The following CCL24 variants were observed in gnomAD, a reference collection of about 807,000 sequenced individuals.
CCL24 encodes the protein C-C motif chemokine ligand 24, also known as C-C motif chemokine 24.
Under a neutral mutation model 8.6 loss-of-function variants are expected in CCL24, and 6 were observed. The observed-to-expected ratio is 0.70, with a 90% CI of 0.38 to 1.38. CCL24 has a LOEUF of 1.38. Ranked by LOEUF, CCL24 falls within the 40% of genes most tolerant of loss-of-function variation. CCL24 has a pLI of 0.02. For synonymous variants in CCL24, 59 were observed against 52.7 expected (o/e 1.12, Z -0.52); for missense variants, 126 against 147.1 (o/e 0.86, Z 0.74).
upstream of CCL24, among the ~76,000 whole-genome samples, chr7:75,816,968 G>A (rs535787627): frequency 1.8e-4 from 28 of 152,104 alleles, no homozygotes; most frequent in South Asian, 5.6e-3. Flanking sequence ...GGACTCAGGC[G>A]ATCCTCCTGC....
At chr7:75,821,746 G>C (rs971763480) in intron 1 of CCL24, among the ~76,000 whole-genome samples, 23 of 152,174 alleles carry the variant, frequency 1.5e-4, no homozygotes, top group African/African-American at 5.3e-4. Flanking sequence ...GATCAACATG[G>C]AGAAACCCCG....
At chr7:75,816,462 A>T (rs1803892768), upstream of CCL24, among the ~76,000 whole-genome samples, 1 of 152,174 alleles carries the variant, frequency 6.6e-6, no homozygotes, top group Non-Finnish European at 1.5e-5. Context: ...AACAGTAATT[A>T]TCCTCTGCTG....
At chr7:75,813,539 C>G in intron 1 of CCL24, 104 bp downstream of exon 1, 1 of 1,279,718 alleles carries the variant, frequency 7.8e-7, no homozygotes, top group Non-Finnish European at 1.1e-6. Flanking sequence ...ACTGGGCCAC[C>G]CTTTCCCCAG....
chr7:75,813,900 G>A, upstream of CCL24: 2 of 517,572 alleles, frequency 3.9e-6, no homozygotes, highest in South Asian at 4.0e-5. Context: ...CCTGAGGCCT[G>A]TGGTCTGGAA....
At chr7:75,820,689 TATTC>T (rs1554534978) in intron 1 of CCL24, among the ~76,000 whole-genome samples, 6 of 118,928 alleles carry the variant, frequency 5.0e-5, no homozygotes. Flanking sequence ...TCCATCCACT[TATTC>T]ATCCATCCAC....
At chr7:75,813,600 TC>T (rs1803824136) in intron 1 of CCL24, 42 bp downstream of exon 1, 1 of 1,554,328 alleles carries the variant, frequency 6.4e-7, no homozygotes, top group Non-Finnish European at 8.9e-7. Context: ...CACTGTGCCA[TC>T]CCAGCCATGC....
intron 1 of CCL24, among the ~76,000 whole-genome samples, chr7:75,820,816 AATCCATCCATCCATCCATCC>A (rs78975822): frequency 1.8e-4 from 25 of 139,236 alleles, no homozygotes; most frequent in African/African-American, 6.9e-4. Flanking sequence ...TCCATTCACT[AATCCATCCATCCATCCATCC>A]ATCCATCCAT....
chr7:75,820,148 C>CCTCCTTCTCCTT (rs376518219), intron 1 of CCL24, among the ~76,000 whole-genome samples: 23 of 98,218 alleles, frequency 2.3e-4, no homozygotes, highest in African/African-American at 7.1e-4. Flanking sequence ...TCCTCCTCCT[C>CCTCCTTCTCCTT]CTCCTTCTCC....
At chr7:75,814,642 C>T (rs377324871), upstream of CCL24, among the ~76,000 whole-genome samples, 6 of 151,780 alleles carry the variant, frequency 4.0e-5, no homozygotes, top group East Asian at 1.9e-4. Flanking sequence ...CTGTCAGGAC[C>T]GCTTTCCATC....
At chr7:75,819,103 T>G (rs1237419597) in intron 1 of CCL24, among the ~76,000 whole-genome samples, 6 of 147,172 alleles carry the variant, frequency 4.1e-5, no homozygotes, top group Non-Finnish European at 7.5e-5. Context: ...ACCCCATCTC[T>G]ACTAAAAATA....
At chr7:75,822,274 C>A (rs1804067369) in intron 1 of CCL24, among the ~76,000 whole-genome samples, 1 of 152,158 alleles carries the variant, frequency 6.6e-6, no homozygotes, top group Non-Finnish European at 1.5e-5. Flanking sequence ...GGTAGACACT[C>A]CTGGGTTTGA....
intron 1 of CCL24, among the ~76,000 whole-genome samples, chr7:75,820,018 A>ACTTCTTCTTCTTTTCTT (rs1554534777): frequency 9.5e-6 from 1 of 104,816 alleles, no homozygotes; most frequent in East Asian, 3.2e-4. Context: ...TTAGTAAACT[A>ACTTCTTCTTCTTTTCTT]CTTCTTCTTC....
chr7:75,822,249 G>C (rs1804067029), intron 1 of CCL24, among the ~76,000 whole-genome samples: 1 of 152,188 alleles, frequency 6.6e-6, no homozygotes, highest in African/African-American at 2.4e-5. Context: ...ACCATGGGGA[G>C]GGCATGGCCC....
intron 2 of CCL24, 143 bp downstream of exon 2, chr7:75,813,163 G>A: frequency 1.7e-6 from 1 of 574,418 alleles, no homozygotes; most frequent in Non-Finnish European, 3.1e-6. Flanking sequence ...AGTTTTATGG[G>A]CAAGGAAGTT....
At chr7:75,818,816 G>A (rs1554534533) in intron 1 of CCL24, among the ~76,000 whole-genome samples, 1 of 151,972 alleles carries the variant, frequency 6.6e-6, no homozygotes, top group Non-Finnish European at 1.5e-5. Flanking sequence ...GAAGTAGCGT[G>A]TTGGCCAGAG....
upstream of CCL24, among the ~76,000 whole-genome samples, chr7:75,814,263 T>C (rs1449659028): frequency 1.3e-5 from 2 of 152,076 alleles, no homozygotes; most frequent in East Asian, 3.9e-4. Context: ...ATCAAGTGTG[T>C]GTAACAGACA....
At chr7:75,819,794 A>G (rs1490784632) in intron 1 of CCL24, among the ~76,000 whole-genome samples, 1 of 152,020 alleles carries the variant, frequency 6.6e-6, no homozygotes, top group Non-Finnish European at 1.5e-5. Context: ...TTTAGGTCAA[A>G]CCATAGGCCC....
At chr7:75,821,907 G>A (rs1335285797) in intron 1 of CCL24, among the ~76,000 whole-genome samples, 3 of 143,602 alleles carry the variant, frequency 2.1e-5, no homozygotes, top group Non-Finnish European at 3.0e-5. Flanking sequence ...CAGCCTGGGC[G>A]ACAGAGCGAG....
chr7:75,816,879 AT>A (rs1803904136), upstream of CCL24, among the ~76,000 whole-genome samples: 1 of 121,958 alleles, frequency 8.2e-6, no homozygotes, highest in African/African-American at 3.1e-5. Context: ...AAAAAAAAAA[AT>A]TTGAGACAAG....
Sources: gnomAD v4.1 joint callset for allele counts (sites outside exome capture counted in the v4.1 genomes callset) on GRCh38, gnomAD v4.1.1 for gene constraint, MANE v1.5 for transcripts, NCBI Gene and HGNC (gene_info 2026-07-23, HGNC 2026-07-21) for gene names.